The following GDI2 variants were observed in gnomAD, a reference collection of about 807,000 sequenced individuals.
GDI2 encodes rab GDP dissociation inhibitor beta.
Under a neutral mutation model 54.2 loss-of-function variants are expected in GDI2, and 22 were observed. The observed-to-expected ratio is 0.41, with a 90% CI of 0.29 to 0.58. The LOEUF (loss-of-function observed/expected upper bound fraction) is 0.58. Among genes scored for constraint, GDI2 ranks in the 20% least tolerant of loss-of-function variants. The pLI is 0.35. For missense variants in GDI2, 422 were observed against 546.0 expected (o/e 0.77, Z 2.26); for synonymous variants, 177 against 182.1 (o/e 0.97, Z 0.23).
At chr10:5,796,193 T>G (rs1841144175) in intron 3 of GDI2, among the ~76,000 whole-genome samples, 1 of 151,580 alleles carries the variant, frequency 6.6e-6, no homozygotes, top group East Asian at 2.0e-4. Context: ...GTACTAAAAA[T>G]ACAAAAATTA....
intron 4 of GDI2, among the ~76,000 whole-genome samples, chr10:5,793,940 A>C (rs538203168): frequency 6.6e-6 from 1 of 151,728 alleles, no homozygotes; most frequent in East Asian, 1.9e-4. Flanking sequence ...AAGGCAGGTG[A>C]AACACCTGAG....
rs537964384 is a variant in GDI2 at position 5,813,133 on chromosome 10, C to G, written c.45+81G>C. The G allele has an allele frequency of 9.0e-4, 744 of 830,578 alleles. 4 individuals are homozygous for G. The highest frequency in any genetic ancestry group is 9.3e-4 in the Non-Finnish European group (509 of 547,178). The allele number at this position is 830,578 out of a possible 1,614,324, so 51.5% of individuals were successfully genotyped here. ...ACGGCAGAACGAGACCCCCGAGGAGCTGCGACCCGCGGGCCGTGCAGGAGC... is the reference window on the plus strand; with the variant it reads ...ACGGCAGAACGAGACCCCCGAGGAGGTGCGACCCGCGGGCCGTGCAGGAGC... On this transcript the variant is annotated intron_variant, in intron 1 of 10. Transcript: ENST00000380191.
In GDI2 at chr10:5,776,929, T is replaced by C; in HGVS notation, c.720-2988A>G. The C allele has an allele frequency of 1.5e-6, 1 of 659,966 alleles. No individual in the cohort carries two copies. The highest frequency in any genetic ancestry group is 2.5e-6 in the Non-Finnish European group (1 of 397,486). The allele number at this position is 659,966 out of a possible 1,614,324, so 40.9% of individuals were successfully genotyped here. ...AAAACAGTTAATCCAGCAAAAAAAT[T>C]AAAAGGGAAAACCACATAGAAGGGT... On this transcript the variant is annotated intron_variant, in intron 6 of 10. Coordinates refer to ENST00000380191, the MANE Select transcript of GDI2 (RefSeq NM_001494.4). This position sits in a 1 kb window ranked among gnomAD's most constrained non-coding sequence, Gnocchi z 5.3.
Position 5,805,449 on chromosome 10 carries a change from A to G in GDI2, c.46-4744T>C, listed in dbSNP as rs948059615. On this transcript the variant is annotated intron_variant, in intron 1 of 10. Coordinates refer to ENST00000380191, the MANE Select transcript of GDI2 (RefSeq NM_001494.4). ...CAGCCTGGAGTGCAGTGGTGTGATC[A>G]TGGCTCACTGCAGCCTCAACCTCCA... 2.3e-4 allele frequency among the ~76,000 whole-genome samples: 35 copies of G among 151,000 alleles called. 2 individuals carry two copies. Among genetic ancestry groups the G allele is most frequent in the African/African-American group, 7.8e-4 (32 of 41,146 alleles).
chr10:5,798,776 C>T lies in GDI2; in HGVS notation c.153+1822G>A, dbSNP rs575595769. Among the ~76,000 whole-genome samples, 6 of 152,118 alleles carry T rather than the reference C, an allele frequency of 3.9e-5. No individual in the cohort carries two copies. The South Asian group carries it at 8.3e-4, about 21-fold the overall frequency. On this transcript the variant is annotated intron_variant, in intron 2 of 10. Coordinates refer to ENST00000380191, the MANE Select transcript of GDI2 (RefSeq NM_001494.4). ...GCAGATCATTTGAGGAGTTCGAGAC[C>T]AGCATGGCCAACAAGAAGAAATCCC...
Position 5,796,754 on chromosome 10 carries a change from A to T in GDI2, c.253+9T>A. ...GTACTGTCATAAATTTAAGTTAGAA[A>T]TTCTTTACCATTAGCCATAAGGAAC... On this transcript the variant is annotated intron_variant, in intron 3 of 10. Transcript: ENST00000380191. 7.8e-7 allele frequency: 1 copy of T among 1,280,042 alleles called. No homozygotes were observed. Among genetic ancestry groups the T allele is most frequent in the South Asian group, 1.2e-5 (1 of 83,544 alleles). The allele number at this position is 1,280,042 out of a possible 1,614,324, so 79.3% of individuals were successfully genotyped here.
intron 1 of GDI2, among the ~76,000 whole-genome samples, chr10:5,806,297 G>C (rs979736176): frequency 6.6e-6 from 1 of 151,384 alleles, no homozygotes; most frequent in Non-Finnish European, 1.5e-5. Flanking sequence ...ATTAGGGACC[G>C]GGCATGGTGG....
chr10:5,800,150 G>A (rs903505654), intron 2 of GDI2, among the ~76,000 whole-genome samples: 2 of 152,070 alleles, frequency 1.3e-5, no homozygotes, highest in African/African-American at 4.8e-5. Context: ...AATGCTATGT[G>A]TCCACGTTCA....
intron 1 of GDI2, chr10:5,811,880 T>C (rs1423489225): frequency 6.6e-6 from 7 of 1,056,608 alleles, no homozygotes; most frequent in East Asian, 6.8e-5. Flanking sequence ...AAACCTTTCC[T>C]AAAAAATTAG....
intron 2 of GDI2, among the ~76,000 whole-genome samples, chr10:5,797,460 G>T (rs998687143): frequency 7.0e-6 from 1 of 142,686 alleles, no homozygotes; most frequent in Non-Finnish European, 1.5e-5. Context: ...CAGGAGAATC[G>T]TTTCAACATG....
At chr10:5,794,823 G>T (rs1357857262) in intron 4 of GDI2, 62 bp downstream of exon 4, 1 of 1,123,980 alleles carries the variant, frequency 8.9e-7, no homozygotes, top group East Asian at 2.3e-5. Flanking sequence ...CTCTTTTCCA[G>T]TATAAAATCT....
chr10:5,786,487 A>G (rs1285717728), intron 4 of GDI2, among the ~76,000 whole-genome samples: 1 of 152,158 alleles, frequency 6.6e-6, no homozygotes, highest in Non-Finnish European at 1.5e-5. Flanking sequence ...AATTTAAGAT[A>G]TGGGAGTTTG....
At chr10:5,781,306 T>G (rs1477964174) in intron 6 of GDI2, among the ~76,000 whole-genome samples, 1 of 151,256 alleles carries the variant, frequency 6.6e-6, no homozygotes. Flanking sequence ...AGGAGAGTAT[T>G]TCTGTGCCCT....
At position 5,777,839 on chromosome 10, in the gene GDI2, T is replaced by C. The variant is rs57034347; in HGVS notation, c.720-3898A>G. Among the ~76,000 whole-genome samples, 905 of 152,344 alleles carry C rather than the reference T, an allele frequency of 5.9e-3. 12 individuals carry two copies. The highest frequency in any genetic ancestry group is 0.041 in the Middle Eastern group (12 of 294). ...TACTATAAGGACACATGCACACTTA[T>C]GTTTACTGCAGCACTGTTCACAATA... On this transcript the variant is annotated intron_variant, in intron 6 of 10. Coordinates refer to ENST00000380191, the MANE Select transcript of GDI2 (RefSeq NM_001494.4).
chr10:5,797,354 G>A (rs928415333), intron 2 of GDI2, among the ~76,000 whole-genome samples: 1 of 152,044 alleles, frequency 6.6e-6, no homozygotes, highest in Admixed American at 6.6e-5. Flanking sequence ...AGAAAAGCCA[G>A]GCCAAGATGG....
At chr10:5,777,330 G>A (rs147988685) in intron 6 of GDI2, among the ~76,000 whole-genome samples, 197 of 152,196 alleles carry the variant, frequency 1.3e-3, no homozygotes, top group African/African-American at 4.0e-3. Flanking sequence ...AAAATTAGCC[G>A]GGCATGATGG....
chr10:5,791,086 G>A (rs1451769486), intron 4 of GDI2, among the ~76,000 whole-genome samples: 1 of 152,148 alleles, frequency 6.6e-6, no homozygotes, highest in Non-Finnish European at 1.5e-5. Context: ...GAGTCCGGGA[G>A]TTCAAGACCA....
At chr10:5,780,933 C>G (rs1446535373) in intron 6 of GDI2, among the ~76,000 whole-genome samples, 1 of 152,026 alleles carries the variant, frequency 6.6e-6, no homozygotes, top group Non-Finnish European at 1.5e-5. Flanking sequence ...ATGCGAACAC[C>G]CAAAACAAAT....
intron 4 of GDI2, among the ~76,000 whole-genome samples, chr10:5,790,111 A>G (rs1840978823): frequency 1.3e-5 from 2 of 152,364 alleles, no homozygotes; most frequent in Middle Eastern, 3.4e-3. Flanking sequence ...CCCAAGAAGC[A>G]AAGTCATGAC....
Sources: allele counts gnomAD v4.1 joint callset (sites outside exome capture counted in the v4.1 genomes callset), GRCh38; gene constraint gnomAD v4.1.1; non-coding constraint Gnocchi (gnomAD v3.1); transcripts MANE v1.5; gene names NCBI Gene and HGNC (gene_info 2026-07-23, HGNC 2026-07-21).